EFR3B: variants seen among roughly 807,000 people sequenced by gnomAD.
The protein encoded by EFR3B is protein EFR3 homolog B.
A neutral mutation model predicts 104.7 loss-of-function variants in EFR3B; 64 were observed. The ratio of observed to expected loss-of-function variants is 0.61; its 90% CI spans 0.50 to 0.75. The LOEUF is 0.75. Ranked by LOEUF, EFR3B falls within the 30% of genes least tolerant of loss-of-function variation. The probability of loss-of-function intolerance (pLI) is 0.00; values close to 1 mark genes in which losing one functional copy is unlikely to be tolerated. For missense variants in EFR3B, 750 were observed against 1,078.5 expected, an observed-to-expected ratio of 0.70 and a Z score of 4.27; for synonymous variants, 385 against 417.9, an observed-to-expected ratio of 0.92 and a Z score of 0.96.
At chr2:25,129,070 T>C (rs1670252140) in intron 6 of EFR3B, among the ~76,000 whole-genome samples, 1 of 149,444 alleles carries the variant, frequency 6.7e-6, no homozygotes, top group African/African-American at 2.5e-5. Context: ...TGCTTCCTGA[T>C]GCTATTTCAG....
At chr2:25,067,627 G>GT (rs1402802403) in intron 1 of EFR3B, among the ~76,000 whole-genome samples, 1 of 151,736 alleles carries the variant, frequency 6.6e-6, no homozygotes, top group Non-Finnish European at 1.5e-5. Flanking sequence ...TAGAGACGGG[G>GT]TTCACCGTGT....
At chr2:25,150,611 C>CTTT (rs200348402) in intron 20 of EFR3B, among the ~76,000 whole-genome samples, 1 of 142,198 alleles carries the variant, frequency 7.0e-6, no homozygotes, top group East Asian at 2.0e-4. Context: ...ATTTCTTGCC[C>CTTT]TTTTTTTTTT....
intron 17 of EFR3B, 28 bp downstream of exon 17, chr2:25,141,461 G>A: frequency 2.6e-6 from 4 of 1,549,810 alleles, no homozygotes; most frequent in Non-Finnish European, 3.5e-6. Flanking sequence ...GACGTGGTCA[G>A]GGATCCCCAG....
chr2:25,120,091 A>AT (rs1210675094), intron 4 of EFR3B, among the ~76,000 whole-genome samples: 1 of 152,190 alleles, frequency 6.6e-6, no homozygotes, highest in African/African-American at 2.4e-5. Context: ...ACGGGGGCTG[A>AT]TGCCTATAAT....
At chr2:25,054,844 A>C (rs779661775) in intron 1 of EFR3B, among the ~76,000 whole-genome samples, 18 of 152,144 alleles carry the variant, frequency 1.2e-4, no homozygotes, top group Non-Finnish European at 2.4e-4. Flanking sequence ...CACCGTGAAC[A>C]CTTCCTTGTC....
intron 4 of EFR3B, among the ~76,000 whole-genome samples, chr2:25,111,070 A>G (rs1038885644): frequency 6.6e-6 from 1 of 152,224 alleles, no homozygotes; most frequent in African/African-American, 2.4e-5. Flanking sequence ...AACTGGAATT[A>G]GATCTGAAAG....
intron 1 of EFR3B, among the ~76,000 whole-genome samples, chr2:25,079,519 T>G (rs751070786): frequency 2.6e-5 from 4 of 152,176 alleles, no homozygotes; most frequent in Admixed American, 6.5e-5. Flanking sequence ...TATGAAATAT[T>G]TGTAAAGTGC....
intron 4 of EFR3B, 94 bp from the exon 5 acceptor site, chr2:25,121,579 T>C: frequency 6.7e-7 from 1 of 1,491,568 alleles, no homozygotes; most frequent in Non-Finnish European, 9.1e-7. Context: ...GTGGTTCCCA[T>C]GGCTTGACCA....
At chr2:25,115,603 G>T (rs546810526) in intron 4 of EFR3B, among the ~76,000 whole-genome samples, 19 of 152,306 alleles carry the variant, frequency 1.2e-4, no homozygotes, top group African/African-American at 3.4e-4. Flanking sequence ...ATGGAAACAG[G>T]GTCTTGGCGG....
intron 3 of EFR3B, 36 bp from the exon 4 acceptor site, chr2:25,103,601 G>A: frequency 6.5e-7 from 1 of 1,537,176 alleles, no homozygotes; most frequent in Non-Finnish European, 8.8e-7. Flanking sequence ...GGGTGGCAGG[G>A]GCGCGGCCAG....
chr2:25,047,512 TTA>T (rs1384670051), intron 1 of EFR3B, among the ~76,000 whole-genome samples: 1 of 152,184 alleles, frequency 6.6e-6, no homozygotes, highest in Non-Finnish European at 1.5e-5. Flanking sequence ...AATTATTTAT[TTA>T]TTTTGAGACA....
chr2:25,139,097 C>T lies in EFR3B; in HGVS notation c.1761C>T (p.Tyr587=). ...TCAATGAGGAGAACTTGCCTGTCTA[C>T]AACCGCTGTGCCCTCTATGCTCTGG... is the stretch of plus-strand genomic sequence containing the variant. The part of the protein sequence containing the change: ...AQVNEENLPV[Y]NRCALYALGA... The change falls in exon 16 of 23, where the codon TAC becomes TAT. Residue 587 remains tyrosine, a synonymous_variant. Transcript: ENST00000403714. 1 of 1,551,780 alleles carries T rather than the reference C, an allele frequency of 6.4e-7. No individual in the cohort carries two copies. The highest frequency in any genetic ancestry group is 8.7e-7 in the Non-Finnish European group (1 of 1,146,998).
chr2:25,103,758 C>T lies in EFR3B; in HGVS notation c.334C>T (p.Pro112Ser), dbSNP rs1669485712. ...GGCCAAGCTGCTGGAGTCAGAGAAA[C>T]CCAACCTGCAGATCCTCGGCACCAA... is the stretch of plus-strand genomic sequence containing the variant. ...MVAKLLESEK[P>S]NLQILGTNSF... Residue 112 changes from proline (P) to serine (S), a missense_variant, in exon 4 of 23, where the codon CCC (proline) becomes TCC (serine). Physicochemically the swap from Pro to Ser is moderately conservative, Grantham distance 74 (BLOSUM62 -1). Transcript: ENST00000403714. The T allele has an allele frequency of 2.6e-6, 4 of 1,551,654 alleles. No homozygotes were observed. The highest frequency in any genetic ancestry group is 3.5e-6 in the Non-Finnish European group (4 of 1,146,960).
Position 25,143,029 on chromosome 2 carries a change from C to T in EFR3B, c.1923-706C>T, listed in dbSNP as rs529651810. Among the ~76,000 whole-genome samples the T allele has an allele frequency of 5.3e-5, 8 of 150,080 alleles. No individual in the cohort carries two copies. The East Asian group carries it at 8.0e-4, about 15-fold the overall frequency. On this transcript the variant is annotated intron_variant, in intron 17 of 22. Coordinates refer to ENST00000403714, the MANE Select transcript of EFR3B (RefSeq NM_014971.2). ...TTGGGAGGCCGAGGCGGGCGGGTCA[C>T]GAGGTCAGAAGATCGAGACCATCCT...
chr2:25,044,614 C>G (rs1486352841), intron 1 of EFR3B, among the ~76,000 whole-genome samples: 1 of 152,060 alleles, frequency 6.6e-6, no homozygotes, highest in Non-Finnish European at 1.5e-5. Context: ...CCTGTGTGTC[C>G]TATAAAGTCT....
chr2:25,138,442 AG>A (rs1484044104), intron 15 of EFR3B, among the ~76,000 whole-genome samples: 1 of 152,142 alleles, frequency 6.6e-6, no homozygotes, highest in African/African-American at 2.4e-5. Context: ...TGGACCTCAA[AG>A]GCTGGGTCTC....
At chr2:25,151,856 T>C (rs1402878761) in intron 20 of EFR3B, 58 bp from the exon 21 acceptor site, 13 of 1,524,408 alleles carry the variant, frequency 8.5e-6, no homozygotes, top group South Asian at 1.2e-5. Flanking sequence ...CCTGGAGGAG[T>C]CCCTCCCTTC....
chr2:25,059,305 A>T (rs545370914), intron 1 of EFR3B, among the ~76,000 whole-genome samples: 5 of 151,996 alleles, frequency 3.3e-5, no homozygotes, highest in Non-Finnish European at 7.4e-5. Context: ...GCTGGTCTCG[A>T]TCTCCTGACC....
intron 1 of EFR3B, among the ~76,000 whole-genome samples, chr2:25,089,028 G>A (rs1272887938): frequency 6.6e-6 from 1 of 152,156 alleles, no homozygotes; most frequent in Non-Finnish European, 1.5e-5. Context: ...CTCTGTGCTG[G>A]GGAAGGTGCC....
Sources: allele counts gnomAD v4.1 joint callset (sites outside exome capture counted in the v4.1 genomes callset), GRCh38; gene constraint gnomAD v4.1.1; transcripts MANE v1.5; gene names NCBI Gene and HGNC (gene_info 2026-07-23, HGNC 2026-07-21).